The following CDH12 variants were observed in gnomAD, a reference collection of about 807,000 sequenced individuals.
The protein encoded by CDH12 is cadherin 12, also known as cadherin-12.
In CDH12, 41 loss-of-function variants were observed where a neutral mutation model predicts 74.1. The observed-to-expected ratio is 0.55, with a 90% CI of 0.43 to 0.72. CDH12 has a LOEUF of 0.72. Among genes scored for constraint, CDH12 ranks in the 30% least tolerant of loss-of-function variants. The probability of loss-of-function intolerance (pLI) is 0.00; values close to 1 mark genes in which losing one functional copy is unlikely to be tolerated. For missense variants in CDH12, 945 were observed against 977.2 expected, an observed-to-expected ratio of 0.97 and a Z score of 0.44; for synonymous variants, 399 against 355.0, an observed-to-expected ratio of 1.12 and a Z score of -1.39.
At chr5:22,489,299 C>A (rs1479127670) in intron 2 of CDH12, among the ~76,000 whole-genome samples, 1 of 150,060 alleles carries the variant, frequency 6.7e-6, no homozygotes, top group African/African-American at 2.5e-5. Context: ...CCTCGTGATC[C>A]ACCTGCCTCG....
At chr5:21,847,858 A>G (rs1367959212) in intron 7 of CDH12, among the ~76,000 whole-genome samples, 1 of 152,068 alleles carries the variant, frequency 6.6e-6, no homozygotes, top group African/African-American at 2.4e-5. Flanking sequence ...AAAACACTAT[A>G]TATTTCCCGT....
At chr5:22,671,576 A>G (rs1228372173) in intron 1 of CDH12, among the ~76,000 whole-genome samples, 2 of 152,160 alleles carry the variant, frequency 1.3e-5, no homozygotes, top group Non-Finnish European at 2.9e-5. Flanking sequence ...GGATGTTGCC[A>G]TGTATCCCAC....
chr5:21,890,854 A>G (rs973747975), intron 6 of CDH12, among the ~76,000 whole-genome samples: 5 of 152,142 alleles, frequency 3.3e-5, no homozygotes, highest in Non-Finnish European at 7.4e-5. Context: ...TTAGAATTAC[A>G]AAGAAAGAGC....
chr5:22,489,713 T>C (rs1746781576), intron 2 of CDH12, among the ~76,000 whole-genome samples: 1 of 148,858 alleles, frequency 6.7e-6, no homozygotes, highest in African/African-American at 2.5e-5. Flanking sequence ...TTTTTTTTTT[T>C]GAGGCAGGGT....
chr5:21,943,643 G>A (rs1462597962), intron 6 of CDH12, among the ~76,000 whole-genome samples: 2 of 152,086 alleles, frequency 1.3e-5, no homozygotes, highest in Non-Finnish European at 2.9e-5. Context: ...AACCTCTAAA[G>A]GATGGCCTGA....
At chr5:22,413,146 A>G (rs1282231260) in intron 2 of CDH12, among the ~76,000 whole-genome samples, 1 of 151,992 alleles carries the variant, frequency 6.6e-6, no homozygotes, top group African/African-American at 2.4e-5. Context: ...CACACTGAGA[A>G]AAGTTTGAGG....
chr5:22,470,027 T>C (rs1336158265), intron 2 of CDH12, among the ~76,000 whole-genome samples: 8 of 152,196 alleles, frequency 5.3e-5, no homozygotes, highest in Non-Finnish European at 7.3e-5. Flanking sequence ...GAAAATGAAA[T>C]CTGCTGAGTT....
intron 5 of CDH12, among the ~76,000 whole-genome samples, chr5:22,008,183 G>C (rs936089460): frequency 6.6e-6 from 1 of 152,078 alleles, no homozygotes; most frequent in Non-Finnish European, 1.5e-5. Context: ...ATGAGGAGGA[G>C]ATGAGTTACT....
At chr5:21,986,277 G>GA (rs906562416) in intron 5 of CDH12, among the ~76,000 whole-genome samples, 2 of 151,968 alleles carry the variant, frequency 1.3e-5, no homozygotes, top group Non-Finnish European at 1.5e-5. Flanking sequence ...TCCTGTTATA[G>GA]AAAAAAAATA....
chr5:22,017,022 A>C (rs1210677471), intron 5 of CDH12, among the ~76,000 whole-genome samples: 1 of 152,094 alleles, frequency 6.6e-6, no homozygotes, highest in South Asian at 2.1e-4. Context: ...TCTCCACTCT[A>C]TGACCCACCA....
rs1392001571 is a variant in CDH12 at position 22,672,157 on chromosome 5, T to A, written c.-522-166793A>T. 2.8e-5 allele frequency among the ~76,000 whole-genome samples: 4 copies of A among 141,692 alleles called. No individual in the cohort carries two copies. In the East Asian group the frequency reaches 7.9e-4, roughly 28 times the overall value. The allele number at this position is 141,692 out of a possible 152,430, so 93.0% of individuals were successfully genotyped here. A position where few individuals can be genotyped will look rare whatever the true frequency, so the allele number is the denominator to read the frequency against. On this transcript the variant is annotated intron_variant, in intron 1 of 14. Transcript: ENST00000382254. ...TATAAATATATATTTATTATATATA[T>A]TATATATATGTATAGGATATTTATA...
chr5:22,078,647 A>C lies in CDH12; in HGVS notation c.30T>G (p.Leu10=). MLTRNCLSL[L]LWVLFDGGLL... is the part of the protein sequence containing the mutation. Reference sequence around the variant, plus strand: ...GACCTCCATCAAACAGAACCCAGAGAAGCAGGGATAAACAGTTCCTTGTAA... The same window carrying C: ...GACCTCCATCAAACAGAACCCAGAGCAGCAGGGATAAACAGTTCCTTGTAA... Residue 10 remains leucine, a synonymous_variant, in exon 5 of 15, where the codon CTT becomes CTG. Coordinates refer to ENST00000382254, the MANE Select transcript of CDH12 (RefSeq NM_004061.5). 6.2e-7 allele frequency: 1 copy of C among 1,613,804 alleles called. No homozygotes were observed. Among genetic ancestry groups the C allele is most frequent in the Non-Finnish European group, 8.5e-7 (1 of 1,179,758 alleles).
intron 6 of CDH12, among the ~76,000 whole-genome samples, chr5:21,918,945 T>C (rs1171362672): frequency 6.6e-6 from 1 of 152,184 alleles, no homozygotes; most frequent in Non-Finnish European, 1.5e-5. Flanking sequence ...TACAAAGTCA[T>C]ATTGACAGAG....
In CDH12 at chr5:22,415,948, C is replaced by T. The variant is rs1703312; in HGVS notation, c.-427-10597G>A. Among the ~76,000 whole-genome samples, 10 of 150,720 alleles carry T rather than the reference C, an allele frequency of 6.6e-5. No homozygotes were observed. The South Asian group carries it at 1.7e-3, about 25-fold the overall frequency. ...AACTACGAAAGCAGAGAGTAAACTGCTAAAGTAGATTTGCTAAATGGTGAC... is the reference window on the plus strand; with the variant it reads ...AACTACGAAAGCAGAGAGTAAACTGTTAAAGTAGATTTGCTAAATGGTGAC... On this transcript the variant is annotated intron_variant, in intron 2 of 14. Transcript: ENST00000382254.
At chr5:22,825,840 G>C (rs1581038780) in intron 1 of CDH12, among the ~76,000 whole-genome samples, 1 of 152,188 alleles carries the variant, frequency 6.6e-6, no homozygotes, top group Non-Finnish European at 1.5e-5. Flanking sequence ...GCAAAGGGCA[G>C]AAGGGAGAAA....
intron 1 of CDH12, among the ~76,000 whole-genome samples, chr5:22,705,875 T>C (rs1742982496): frequency 6.6e-6 from 1 of 152,018 alleles, no homozygotes; most frequent in East Asian, 1.9e-4. Context: ...TCTAATGGTA[T>C]ACTTATACAA....
intron 3 of CDH12, among the ~76,000 whole-genome samples, chr5:22,377,875 T>A (rs1741600544): frequency 6.6e-6 from 1 of 152,194 alleles, no homozygotes; most frequent in African/African-American, 2.4e-5. Context: ...GGTGATTTAA[T>A]GCGTTTGGAA....
At chr5:22,113,653 G>A (rs185511346) in intron 4 of CDH12, among the ~76,000 whole-genome samples, 17 of 152,162 alleles carry the variant, frequency 1.1e-4, no homozygotes, top group Admixed American at 1.0e-3. Context: ...CATAGTCTCA[G>A]GACTTCCTGA....
At chr5:22,719,629 T>A (rs956127980) in intron 1 of CDH12, among the ~76,000 whole-genome samples, 1 of 152,168 alleles carries the variant, frequency 6.6e-6, no homozygotes, top group Admixed American at 6.5e-5. Flanking sequence ...TGGGCCATAA[T>A]TTCTGGATAT....
Sources: allele counts gnomAD v4.1 joint callset (sites outside exome capture counted in the v4.1 genomes callset), GRCh38; gene constraint gnomAD v4.1.1; transcripts MANE v1.5; gene names NCBI Gene and HGNC (gene_info 2026-07-23, HGNC 2026-07-21).